Variants in PUM2 observed in about 807,000 individuals in gnomAD.
PUM2 encodes the protein pumilio homolog 2.
Under a neutral mutation model 124.5 loss-of-function variants are expected in PUM2, and 57 were observed. That is an observed-to-expected ratio of 0.46 (90% CI 0.37 to 0.57). The LOEUF is 0.57. PUM2 is among the 20% of genes least tolerant of loss of function. The probability of loss-of-function intolerance (pLI) is 0.00; values close to 1 mark genes in which losing one functional copy is unlikely to be tolerated. For missense variants in PUM2, 1,065 were observed against 1,290.6 expected (o/e 0.83, Z 2.68); for synonymous variants, 460 against 446.1 (o/e 1.03, Z -0.39).
At chr2:20,258,438 C>T (rs1665346976) in intron 15 of PUM2, 67 bp from the exon 16 acceptor site, 3 of 1,494,464 alleles carry the variant, frequency 2.0e-6, no homozygotes, top group Admixed American at 1.8e-5. Flanking sequence ...TTGAGTAAGG[C>T]AGTGTTTGCA....
chr2:20,294,645 TA>T, intron 8 of PUM2, 127 bp from the exon 9 acceptor site: 1 of 1,101,362 alleles, frequency 9.1e-7, no homozygotes, highest in Middle Eastern at 2.3e-4. Context: ...GTCTTTATAA[TA>T]AAAGACAAAG....
At chr2:20,292,077 T>A (rs1352808448) in intron 9 of PUM2, among the ~76,000 whole-genome samples, 3 of 150,208 alleles carry the variant, frequency 2.0e-5, no homozygotes. Flanking sequence ...GTCATCTTCC[T>A]TGATAAGCCC....
Position 20,256,976 on chromosome 2 carries a change from G to A in PUM2, c.2485-806C>T, listed in dbSNP as rs1258251913. 6.8e-5 allele frequency among the ~76,000 whole-genome samples: 10 copies of A among 147,584 alleles called. No homozygotes were observed. In the Admixed American group the frequency reaches 6.8e-4, roughly 10 times the overall value. On this transcript the variant is annotated intron_variant, in intron 16 of 20. Transcript: ENST00000361078. Reference sequence around the variant, plus strand: ...GGAGAATCACTTGAACCTGGGAGGCGGAGGTTGCAGTGAGCCAAGATTGTG... The same window carrying A: ...GGAGAATCACTTGAACCTGGGAGGCAGAGGTTGCAGTGAGCCAAGATTGTG...
chr2:20,282,532 A>G (rs904973406), intron 12 of PUM2, among the ~76,000 whole-genome samples: 4 of 152,236 alleles, frequency 2.6e-5, no homozygotes, highest in Non-Finnish European at 4.4e-5. Context: ...ATAAGAATAA[A>G]CCATCTAATA....
intron 1 of PUM2, among the ~76,000 whole-genome samples, chr2:20,347,945 C>T (rs1230967563): frequency 6.6e-6 from 1 of 152,182 alleles, no homozygotes; most frequent in Non-Finnish European, 1.5e-5. Flanking sequence ...CATATTTCAT[C>T]AGCGTTCCCT....
chr2:20,290,635 A>C lies in PUM2; in HGVS notation c.1291+17T>G, dbSNP rs745479740. 5.0e-6 allele frequency: 8 copies of C among 1,591,898 alleles called. No individual in the cohort carries two copies. The highest frequency in any genetic ancestry group is 1.8e-5 in the Admixed American group (1 of 54,060). ...TCTGAAATCTATTCAAATTTCCACAAATGACCAATTGTATACCTGGCATGC... is the reference window on the plus strand; with the variant it reads ...TCTGAAATCTATTCAAATTTCCACACATGACCAATTGTATACCTGGCATGC... On this transcript the variant is annotated intron_variant, in intron 10 of 20. Coordinates refer to ENST00000361078, the MANE Select transcript of PUM2 (RefSeq NM_015317.5).
intron 1 of PUM2, among the ~76,000 whole-genome samples, chr2:20,340,724 A>T (rs1346478358): frequency 6.6e-6 from 1 of 152,206 alleles, no homozygotes; most frequent in Non-Finnish European, 1.5e-5. Flanking sequence ...CATATGGCTA[A>T]GGAATATATC....
chr2:20,299,011 C>T (rs986423909), intron 7 of PUM2, among the ~76,000 whole-genome samples: 1 of 152,206 alleles, frequency 6.6e-6, no homozygotes, highest in African/African-American at 2.4e-5. Context: ...CCCTACCCAG[C>T]AGCTCTGCAC....
chr2:20,324,822 T>C (rs1683283622), intron 2 of PUM2, among the ~76,000 whole-genome samples: 1 of 151,990 alleles, frequency 6.6e-6, no homozygotes, highest in South Asian at 2.1e-4. Flanking sequence ...TAGTCCTACA[T>C]GTAGATGTAA....
At chr2:20,326,264 T>C (rs1683647619) in intron 2 of PUM2, 2 of 1,303,504 alleles carry the variant, frequency 1.5e-6, no homozygotes, top group South Asian at 1.2e-5. Flanking sequence ...AACTCACCCT[T>C]AAATCAGTCC....
chr2:20,273,943 G>A (rs1456933220), intron 13 of PUM2, among the ~76,000 whole-genome samples: 3 of 152,120 alleles, frequency 2.0e-5, no homozygotes, highest in Non-Finnish European at 4.4e-5. Flanking sequence ...ATACCATAAT[G>A]AGGTAATCAT....
intron 2 of PUM2, among the ~76,000 whole-genome samples, chr2:20,320,499 T>C (rs2148750850): frequency 6.6e-6 from 1 of 152,266 alleles, no homozygotes; most frequent in Non-Finnish European, 1.5e-5. Context: ...AATTTGAGCA[T>C]GTTCCTGAAT....
chr2:20,342,903 T>C (rs893534135), intron 1 of PUM2, among the ~76,000 whole-genome samples: 1 of 152,144 alleles, frequency 6.6e-6, no homozygotes, highest in Admixed American at 6.6e-5. Context: ...ACCAAACATC[T>C]AGGTAGAAAT....
chr2:20,324,026 GT>G (rs1683070948), intron 2 of PUM2, among the ~76,000 whole-genome samples: 2 of 150,970 alleles, frequency 1.3e-5, no homozygotes. Context: ...AGTGGGTAAA[GT>G]TTAAGATAGA....
intron 2 of PUM2, among the ~76,000 whole-genome samples, chr2:20,322,344 T>C (rs924065047): frequency 2.6e-5 from 4 of 152,054 alleles, no homozygotes; most frequent in Admixed American, 1.3e-4. Context: ...ATCCCAGCAC[T>C]GAGGGAGGTG....
At position 20,250,953 on chromosome 2, in the gene PUM2, A is replaced by G. The variant is rs1572500882; in HGVS notation, c.*632T>C. 6.6e-6 allele frequency: 1 copy of G among 152,608 alleles called. No individual in the cohort carries two copies. Among genetic ancestry groups the G allele is most frequent in the East Asian group, 1.9e-4 (1 of 5,200 alleles). 9.5% of individuals were successfully genotyped at this position (152,608 alleles called of 1,614,324 possible). A position where few individuals can be genotyped will look rare whatever the true frequency, so the allele number is the denominator to read the frequency against. On this transcript the variant is annotated 3_prime_UTR_variant, in exon 21 of 21. Transcript: ENST00000361078. ...TTAGGGCAGTAATTGTATTAAAACC[A>G]CATCTACTGTAAATAATGTTAGGTT...
chr2:20,343,998 T>G (rs139098679), intron 1 of PUM2, among the ~76,000 whole-genome samples: 5 of 152,230 alleles, frequency 3.3e-5, no homozygotes, highest in African/African-American at 1.2e-4. Flanking sequence ...AGAGTTGTAA[T>G]AGAAAATATC....
chr2:20,348,427 CG>C (rs1167051667), intron 1 of PUM2, among the ~76,000 whole-genome samples: 2 of 152,036 alleles, frequency 1.3e-5, no homozygotes, highest in Non-Finnish European at 2.9e-5. Flanking sequence ...TAAGTTAGGA[CG>C]TATGTAGAAC....
chr2:20,341,933 C>T (rs866040370), intron 1 of PUM2, among the ~76,000 whole-genome samples: 1 of 151,876 alleles, frequency 6.6e-6, no homozygotes, highest in Admixed American at 6.6e-5. Flanking sequence ...AGTTCGAGAC[C>T]AGGGTGGCCA....
Sources: allele counts gnomAD v4.1 joint callset (sites outside exome capture counted in the v4.1 genomes callset), GRCh38; gene constraint gnomAD v4.1.1; transcripts MANE v1.5; gene names NCBI Gene and HGNC (gene_info 2026-07-23, HGNC 2026-07-21).